The following ARHGEF7 variants were observed in gnomAD, a reference collection of about 807,000 sequenced individuals.
The protein encoded by ARHGEF7 is Rho guanine nucleotide exchange factor 7.
ARHGEF7 carries 33 observed loss-of-function variants against 109.8 expected under a neutral mutation model. The ratio of observed to expected loss-of-function variants is 0.30; its 90% CI spans 0.23 to 0.40. The LOEUF is 0.40. ARHGEF7 is among the 10% of genes least tolerant of loss of function. The pLI is 1.00. For synonymous variants in ARHGEF7, 458 were observed against 424.6 expected (o/e 1.08, Z -0.97); for missense variants, 938 against 1,098.5 (o/e 0.85, Z 2.07).
intron 2 of ARHGEF7, among the ~76,000 whole-genome samples, chr13:111,156,820 A>G (rs1297956931): frequency 1.3e-5 from 2 of 152,286 alleles, no homozygotes; most frequent in Admixed American, 6.5e-5. Flanking sequence ...CTACAGACAC[A>G]AAACTTAAAA....
chr13:111,184,678 C>G (rs117188566), intron 2 of ARHGEF7, among the ~76,000 whole-genome samples: 55 of 152,142 alleles, frequency 3.6e-4, no homozygotes, highest in African/African-American at 1.3e-3. Flanking sequence ...AGTCATAGGT[C>G]AGTTCTCTTT....
In ARHGEF7 at chr13:111,280,084, T is replaced by C. The variant is rs781490162; in HGVS notation, c.1507-188T>C. Reference sequence around the variant, plus strand: ...TGAGTTTCTTGCTTACAGTACAGTATTATAATTTATTATTTGAGATAAAAA... The same window carrying C: ...TGAGTTTCTTGCTTACAGTACAGTACTATAATTTATTATTTGAGATAAAAA... On this transcript the variant is annotated intron_variant, in intron 13 of 21. Coordinates refer to ENST00000646102, the MANE Select transcript of ARHGEF7 (RefSeq NM_001354046.2). Among the ~76,000 whole-genome samples, 114 of 152,334 alleles carry C rather than the reference T, an allele frequency of 7.5e-4. 1 individual carries two copies. Among genetic ancestry groups the C allele is most frequent in the Admixed American group, 9.8e-4 (15 of 15,302 alleles).
chr13:111,169,997 C>A (rs1022781070), intron 2 of ARHGEF7, among the ~76,000 whole-genome samples: 3 of 150,476 alleles, frequency 2.0e-5, no homozygotes, highest in African/African-American at 7.5e-5. Context: ...GCAGGCCCCT[C>A]TGCAGAGGTG....
At chr13:111,256,410 G>C (rs2090428003) in intron 8 of ARHGEF7, among the ~76,000 whole-genome samples, 1 of 152,234 alleles carries the variant, frequency 6.6e-6, no homozygotes, top group African/African-American at 2.4e-5. Flanking sequence ...CTCAGGTTCT[G>C]TCCTGAGCCT....
At position 111,288,339 on chromosome 13, in the gene ARHGEF7, C is replaced by A; in HGVS notation, c.2045-15C>A. ...CTTTCAGTTCGACTGTGAACTGTTG[C>A]GCATCTCTTGACAGGCACAGCTGCT... is the stretch of plus-strand genomic sequence containing the variant. On this transcript the variant is annotated splice_polypyrimidine_tract_variant and intron_variant, in intron 17 of 21. Coordinates refer to ENST00000646102, the MANE Select transcript of ARHGEF7 (RefSeq NM_001354046.2). 6.2e-7 allele frequency: 1 copy of A among 1,601,810 alleles called. No individual in the cohort carries two copies. The highest frequency in any genetic ancestry group is 8.6e-7 in the Non-Finnish European group (1 of 1,169,588).
At chr13:111,184,716 G>A (rs2079080241) in intron 2 of ARHGEF7, among the ~76,000 whole-genome samples, 1 of 152,170 alleles carries the variant, frequency 6.6e-6, no homozygotes, top group Non-Finnish European at 1.5e-5. Flanking sequence ...CCTATCAGGT[G>A]TGGCCTTGAT....
At chr13:111,115,770 G>A (rs1944410498) in intron 1 of ARHGEF7, 79 bp downstream of exon 1, 2 of 874,088 alleles carry the variant, frequency 2.3e-6, no homozygotes, top group Non-Finnish European at 2.8e-6. Context: ...AGCACCTGAG[G>A]CCGGCCGCGC....
chr13:111,245,861 C>T (rs1463651009), intron 8 of ARHGEF7, among the ~76,000 whole-genome samples: 3 of 152,166 alleles, frequency 2.0e-5, no homozygotes, highest in African/African-American at 7.2e-5. Context: ...AACCATCAAG[C>T]GAGAAATACG....
At chr13:111,226,899 G>C (rs1013512277) in intron 5 of ARHGEF7, among the ~76,000 whole-genome samples, 1 of 152,150 alleles carries the variant, frequency 6.6e-6, no homozygotes, top group African/African-American at 2.4e-5. Flanking sequence ...TATGGGAGGA[G>C]GTTAAAATAT....
intron 18 of ARHGEF7, among the ~76,000 whole-genome samples, chr13:111,289,298 T>G (rs1220770971): frequency 6.6e-6 from 1 of 152,192 alleles, no homozygotes; most frequent in Non-Finnish European, 1.5e-5. Context: ...CCTCCCAGAG[T>G]GCTGGGATTA....
chr13:111,281,310 A>G (rs2092769269), intron 15 of ARHGEF7, among the ~76,000 whole-genome samples: 1 of 147,396 alleles, frequency 6.8e-6, no homozygotes. Context: ...AACAGTCGTC[A>G]TCTTTATCAA....
At position 111,150,769 on chromosome 13, in the gene ARHGEF7, C is replaced by T. The variant is rs568926569; in HGVS notation, c.166-3136C>T. Among the ~76,000 whole-genome samples, 47 of 152,272 alleles carry T rather than the reference C, an allele frequency of 3.1e-4. No individual in the cohort carries two copies. In the South Asian group the frequency reaches 8.9e-3, roughly 29 times the overall value. ...GTGTGCCTTGAAAGTTTGTATTATG[C>T]CCTGAGGGGCTGGACGAGAGATGTA... On this transcript the variant is annotated intron_variant, in intron 1 of 21. Coordinates refer to ENST00000646102, the MANE Select transcript of ARHGEF7 (RefSeq NM_001354046.2).
chr13:111,293,440 A>C, intron 19 of ARHGEF7: 1 of 930,408 alleles, frequency 1.1e-6, no homozygotes, highest in Non-Finnish European at 1.3e-6. Context: ...CTTATTTAAA[A>C]AAAAAAAAAA....
chr13:111,141,678 G>A (rs2075358309), intron 1 of ARHGEF7, among the ~76,000 whole-genome samples: 1 of 151,564 alleles, frequency 6.6e-6, no homozygotes, highest in African/African-American at 2.4e-5. Context: ...CTATCACTGA[G>A]TAATCCCATT....
chr13:111,174,626 T>C (rs1451585082), intron 2 of ARHGEF7, among the ~76,000 whole-genome samples: 1 of 152,222 alleles, frequency 6.6e-6, no homozygotes, highest in Admixed American at 6.5e-5. Flanking sequence ...CTATTTTGAG[T>C]TCATTGTCTT....
At chr13:111,290,390 A>T (rs1179713835) in intron 18 of ARHGEF7, among the ~76,000 whole-genome samples, 1 of 152,266 alleles carries the variant, frequency 6.6e-6, no homozygotes. Context: ...TGTATTAGGT[A>T]CTATAATTTA....
rs916607767 is a variant in ARHGEF7, at chr13:111,131,832, C to G, written c.165+16141C>G. ...ACAACTGGCCAGCACACACCCAGAG[C>G]CCACATACTGGAGCAATGCAGGCAT... is the stretch of plus-strand genomic sequence containing the variant. On this transcript the variant is annotated intron_variant, in intron 1 of 21. Transcript: ENST00000646102. The surrounding 1 kb of genome is among the most constrained non-coding windows in gnomAD (Gnocchi z 4.4). Among the ~76,000 whole-genome samples, 9 of 152,162 alleles carry G rather than the reference C, an allele frequency of 5.9e-5. No homozygotes were observed. Among genetic ancestry groups the G allele is most frequent in the African/African-American group, 2.2e-4 (9 of 41,436 alleles).
intron 15 of ARHGEF7, chr13:111,282,763 G>A (rs1384875374): frequency 1.1e-5 from 3 of 261,256 alleles, no homozygotes; most frequent in African/African-American, 6.7e-5. Context: ...CCTTCTTACA[G>A]CCACATGCCC....
intron 2 of ARHGEF7, among the ~76,000 whole-genome samples, chr13:111,172,817 C>T (rs1024401798): frequency 2.0e-5 from 3 of 152,146 alleles, no homozygotes; most frequent in African/African-American, 7.2e-5. Context: ...GCGACAGCAG[C>T]CAGAGTTGGC....
Sources: gnomAD v4.1 joint callset for allele counts (sites outside exome capture counted in the v4.1 genomes callset) on GRCh38, gnomAD v4.1.1 for gene constraint, Gnocchi (gnomAD v3.1) non-coding constraint, MANE v1.5 for transcripts, NCBI Gene and HGNC (gene_info 2026-07-23, HGNC 2026-07-21) for gene names.